The following FHIP2B variants were observed in gnomAD, a reference collection of about 807,000 sequenced individuals.
The protein encoded by FHIP2B is FHF complex subunit HOOK interacting protein 2B, also known as FHF complex subunit HOOK-interacting protein 2B.
A neutral mutation model predicts 84.0 loss-of-function variants in FHIP2B; 72 were observed. That is an observed-to-expected ratio of 0.86 (90% CI 0.71 to 1.04). The LOEUF (loss-of-function observed/expected upper bound fraction) is 1.04. FHIP2B is among the 50% of genes least tolerant of loss of function. The pLI is 0.00. For synonymous variants in FHIP2B, 497 were observed against 418.7 expected (o/e 1.19, Z -2.28); for missense variants, 972 against 968.9 (o/e 1.00, Z -0.04).
At position 22,100,707 on chromosome 8, in the gene FHIP2B, C is replaced by A; in HGVS notation, c.1455C>A (p.Gly485=). The A allele has an allele frequency of 6.2e-7, 1 of 1,604,688 alleles. No homozygotes were observed. Residue 485 remains glycine (G), a synonymous_variant, in exon 11 of 17, where the codon GGC becomes GGA. Coordinates refer to ENST00000289921, the MANE Select transcript of FHIP2B (RefSeq NM_022749.7). ...NLEGRPYVAW[G]SPEPESYEDT... is the part of the protein sequence containing the mutation. ...AGGGCCGCCCTTACGTGGCCTGGGG[C>A]TCACCAGAGCCTGAGAGCTATGAGG...
At chr8:22,094,636 G>A in intron 2 of FHIP2B, 118 bp downstream of exon 2, 1 of 1,546,684 alleles carries the variant, frequency 6.5e-7, no homozygotes, top group Non-Finnish European at 8.6e-7. Flanking sequence ...TTCAGAATTG[G>A]AGCCGAGTTC....
At chr8:22,098,875 T>C in intron 7 of FHIP2B, 73 bp from the exon 8 acceptor site, 1 of 1,318,528 alleles carries the variant, frequency 7.6e-7, no homozygotes, top group Non-Finnish European at 1.1e-6. Flanking sequence ...AAGGGCCCAG[T>C]TTCAGGACAC....
At chr8:22,095,492 C>T (rs1188417645) in intron 2 of FHIP2B, 1 of 67,804 alleles carries the variant, frequency 1.5e-5, no homozygotes, top group Non-Finnish European at 3.0e-5. Context: ...ACCCCTGGTT[C>T]TGAACCTATC....
chr8:22,098,008 A>G, intron 5 of FHIP2B, 60 bp from the exon 6 acceptor site: 3 of 1,535,088 alleles, frequency 2.0e-6, no homozygotes, highest in South Asian at 2.5e-5. Flanking sequence ...CTGCGGTCCC[A>G]GTGGGGGACC....
At chr8:22,094,910 C>T in intron 2 of FHIP2B, 1 of 1,075,916 alleles carries the variant, frequency 9.3e-7, no homozygotes, top group Non-Finnish European at 1.1e-6. Flanking sequence ...ATTCCCCTTT[C>T]CCCTGAGCCA....
chr8:22,102,433 A>G, intron 15 of FHIP2B, 95 bp from the exon 16 acceptor site: 1 of 1,526,170 alleles, frequency 6.6e-7, no homozygotes, highest in Middle Eastern at 2.2e-4. Context: ...GTGCCAGGGA[A>G]AGCACAGTCT....
intron 1 of FHIP2B, among the ~76,000 whole-genome samples, chr8:22,092,404 AC>A (rs1825537252): frequency 6.6e-6 from 1 of 152,000 alleles, no homozygotes; most frequent in African/African-American, 2.4e-5. Flanking sequence ...ACATGGTGAA[AC>A]CCCGTCTCTA....
In FHIP2B at chr8:22,101,519, G is replaced by A. The variant is rs1826112605; in HGVS notation, c.1696G>A (p.Ala566Thr). 2 of 1,611,592 alleles carry A rather than the reference G, an allele frequency of 1.2e-6. No individual in the cohort carries two copies. Among genetic ancestry groups the A allele is most frequent in the African/African-American group, 1.3e-5 (1 of 75,008 alleles). ...ETGYDTYVHD[A>T]YGLFQECSSR... ...AGGCTATGACACATACGTCCACGAT[G>A]CTTATGGCCTGGTGAGTGGCTCCTG... Residue 566 changes from alanine (A) to threonine (T), a missense_variant, in exon 13 of 17, where the codon GCT (alanine) becomes ACT (threonine). Physicochemically the swap from Ala to Thr is moderately conservative, Grantham distance 58. Coordinates refer to ENST00000289921, the MANE Select transcript of FHIP2B (RefSeq NM_022749.7).
intron 1 of FHIP2B, among the ~76,000 whole-genome samples, chr8:22,089,519 C>T (rs912086786): frequency 8.0e-5 from 12 of 150,650 alleles, no homozygotes; most frequent in Non-Finnish European, 1.8e-4. Flanking sequence ...ACCGCCCCAC[C>T]TCCCCGGCCT....
chr8:22,102,111 G>T lies in FHIP2B; in HGVS notation c.1852-64G>T, dbSNP rs1826152496. The T allele has an allele frequency of 2.5e-6, 4 of 1,611,158 alleles. No individual in the cohort carries two copies. The South Asian group carries it at 3.3e-5, about 13-fold the overall frequency. On this transcript the variant is annotated intron_variant, in intron 14 of 16. Transcript: ENST00000289921. The stretch of plus-strand genomic sequence containing the variant: ...GTTCACAGTGGCCAGGCACCTTGCT[G>T]GGGGAGTGCAAAAATACTCACCAGC...
chr8:22,100,964 C>G lies in FHIP2B; in HGVS notation c.1608C>G (p.Ile536Met), dbSNP rs760075403. ...ATGGCAAAACAGCAGTGACCGAGAT[C>G]GTCAACAGGTGGGGAGCAAGTTAGG... ...SYDGKTAVTE[I>M]VNSFLCLVPE... is the part of the protein sequence containing the mutation. The change falls in exon 12 of 17, where the codon ATC becomes ATG. Residue 536 changes from isoleucine to methionine, a missense_variant. By Grantham distance (10) the Ile-to-Met change is conservative. Transcript: ENST00000289921. 6.2e-7 allele frequency: 1 copy of G among 1,613,726 alleles called. No individual in the cohort carries two copies. Among genetic ancestry groups the G allele is most frequent in the Non-Finnish European group, 8.5e-7 (1 of 1,179,822 alleles).
rs1167850834 is a variant in FHIP2B, at chr8:22,098,246, A to C, written c.704A>C (p.Glu235Ala). 1.3e-6 allele frequency: 2 copies of C among 1,590,230 alleles called. No individual in the cohort carries two copies. The highest frequency in any genetic ancestry group is 2.8e-5 in the African/African-American group (2 of 72,702). The change falls in exon 6 of 17, where the codon GAG becomes GCG. Residue 235 changes from glutamate (E) to alanine (A), a missense_variant. Transcript: ENST00000289921. The stretch of plus-strand genomic sequence containing the variant: ...AGCCACATGCCTGCTGAGACCGAGG[A>C]GCTGGACGGTGGGACCACAGAGAGC... Reference protein sequence around the residue: ...LNSHMPAETEELDGGTTESNL... With the variant: ...LNSHMPAETEALDGGTTESNL...
chr8:22,101,304 T>C (rs1451130803), intron 12 of FHIP2B, 136 bp from the exon 13 acceptor site: 1 of 722,368 alleles, frequency 1.4e-6, no homozygotes, highest in Non-Finnish European at 2.3e-6. Flanking sequence ...ATTACAGACA[T>C]GAGCCACCGT....
At chr8:22,094,371 G>C in intron 1 of FHIP2B, 69 bp from the exon 2 acceptor site, 1 of 1,481,100 alleles carries the variant, frequency 6.8e-7, no homozygotes, top group Non-Finnish European at 9.0e-7. Flanking sequence ...CAGAATATCT[G>C]TTCCCATGCG....
Position 22,103,168 on chromosome 8 carries a change from A to G in FHIP2B, c.*237A>G. ...AAGGTCCTTGGGGCCTTCTTGGAGG[A>G]GCTTGGGTGACAGCCAGGTGAGCAC... is the stretch of plus-strand genomic sequence containing the variant. On this transcript the variant is annotated 3_prime_UTR_variant, in exon 17 of 17. Coordinates refer to ENST00000289921, the MANE Select transcript of FHIP2B (RefSeq NM_022749.7). The G allele has an allele frequency of 1.8e-6, 1 of 566,406 alleles. No individual in the cohort carries two copies. Among genetic ancestry groups the G allele is most frequent in the Non-Finnish European group, 3.1e-6 (1 of 320,530 alleles). The allele number at this position is 566,406 out of a possible 1,614,324, so 35.1% of individuals were successfully genotyped here. A position where few individuals can be genotyped will look rare whatever the true frequency, so the allele number is the denominator to read the frequency against.
chr8:22,099,283 G>C lies in FHIP2B; in HGVS notation c.1075-1G>C. The stretch of plus-strand genomic sequence containing the variant: ...ACACATTGGCGCTCTCTGGCACCCA[G>C]GTGGTTGCGGACGCCTTGGCGAAGG... On this transcript the variant is annotated splice_acceptor_variant, in intron 8 of 16. Transcript: ENST00000289921. LOFTEE classifies it high-confidence loss of function. 1 of 1,613,698 alleles carries C rather than the reference G, an allele frequency of 6.2e-7. No homozygotes were observed. Among genetic ancestry groups the C allele is most frequent in the Non-Finnish European group, 8.5e-7 (1 of 1,179,830 alleles).
intron 5 of FHIP2B, 57 bp from the exon 6 acceptor site, chr8:22,098,011 G>A: frequency 1.3e-6 from 2 of 1,536,006 alleles, no homozygotes; most frequent in Non-Finnish European, 1.8e-6. Context: ...CGGTCCCAGT[G>A]GGGGACCCTG....
At chr8:22,096,042 C>G in intron 2 of FHIP2B, 1 of 262,004 alleles carries the variant, frequency 3.8e-6, no homozygotes, top group Non-Finnish European at 7.2e-6. Flanking sequence ...ACCATGTGTC[C>G]CTGTCTCTGT....
In FHIP2B at chr8:22,102,846, A is replaced by G. The variant is rs752606716; in HGVS notation, c.2147A>G (p.Lys716Arg). ...QGVVVLEEFC[K>R]ELAAIAFVKF... The stretch of plus-strand genomic sequence containing the variant: ...GTGGTGGTGCTGGAGGAGTTCTGCA[A>G]GGAGCTGGCTGCCATTGCCTTCGTC... Residue 716 changes from lysine to arginine, a missense_variant, in exon 17 of 17, where the codon AAG becomes AGG. Coordinates refer to ENST00000289921, the MANE Select transcript of FHIP2B (RefSeq NM_022749.7). 2 of 1,613,562 alleles carry G rather than the reference A, an allele frequency of 1.2e-6. No homozygotes were observed. Among genetic ancestry groups the G allele is most frequent in the South Asian group, 1.1e-5 (1 of 91,074 alleles).
Sources: gnomAD v4.1 joint callset for allele counts (sites outside exome capture counted in the v4.1 genomes callset) on GRCh38, gnomAD v4.1.1 for gene constraint, MANE v1.5 for transcripts, NCBI Gene and HGNC (gene_info 2026-07-23, HGNC 2026-07-21) for gene names.